Variants in MPDZ observed in about 807,000 individuals in gnomAD.
MPDZ encodes the protein multiple PDZ domain protein.
In MPDZ, 234 loss-of-function variants were observed where a neutral mutation model predicts 239.1. The ratio of observed to expected loss-of-function variants is 0.98; its 90% confidence interval spans 0.88 to 1.09. The LOEUF (loss-of-function observed/expected upper bound fraction) is 1.09. Ranked by LOEUF, MPDZ falls within the 50% of genes least tolerant of loss-of-function variation. The pLI is 0.00. For missense variants in MPDZ, 3,175 were observed against 2,510.0 expected (o/e 1.26, Z -5.66); for synonymous variants, 1,048 against 881.3 (o/e 1.19, Z -3.35).
chr9:13,154,062 G>A (rs1342694186), intron 24 of MPDZ, among the ~76,000 whole-genome samples: 1 of 152,100 alleles, frequency 6.6e-6, no homozygotes, highest in South Asian at 2.1e-4. Flanking sequence ...AAGAAGAGAA[G>A]AGACACAGAG....
chr9:13,234,004 C>G (rs1963266640), intron 3 of MPDZ, among the ~76,000 whole-genome samples: 1 of 141,946 alleles, frequency 7.0e-6, no homozygotes, highest in Non-Finnish European at 1.5e-5. Flanking sequence ...ATTTTAATCT[C>G]TGTAATACAT....
chr9:13,165,315 A>G (rs1408878685), intron 22 of MPDZ: 3 of 1,529,996 alleles, frequency 2.0e-6, no homozygotes, highest in Non-Finnish European at 2.6e-6. Context: ...TTGTTTTCAC[A>G]GACAAGTTGT....
chr9:13,245,637 T>C (rs1588084424), intron 3 of MPDZ, among the ~76,000 whole-genome samples: 2 of 152,158 alleles, frequency 1.3e-5, no homozygotes, highest in South Asian at 2.1e-4. Flanking sequence ...ACATGTCTCA[T>C]AGAATTCACA....
chr9:13,261,773 T>C (rs1345217334), intron 1 of MPDZ, among the ~76,000 whole-genome samples: 1 of 151,180 alleles, frequency 6.6e-6, no homozygotes, highest in Non-Finnish European at 1.5e-5. Context: ...GGCTCATACC[T>C]GTAAGCCCAG....
intron 21 of MPDZ, among the ~76,000 whole-genome samples, chr9:13,173,509 C>T (rs1035958455): frequency 6.6e-6 from 1 of 151,866 alleles, no homozygotes; most frequent in East Asian, 1.9e-4. Context: ...TCAAGACCAA[C>T]CTGGGCAACA....
At chr9:13,261,621 A>C (rs1456326359) in intron 1 of MPDZ, among the ~76,000 whole-genome samples, 2 of 152,190 alleles carry the variant, frequency 1.3e-5, no homozygotes, top group Non-Finnish European at 2.9e-5. Flanking sequence ...AGAAAAACAA[A>C]GGGCAGGGAA....
At chr9:13,251,590 C>G (rs769881550) in intron 1 of MPDZ, among the ~76,000 whole-genome samples, 1 of 152,174 alleles carries the variant, frequency 6.6e-6, no homozygotes, top group Non-Finnish European at 1.5e-5. Flanking sequence ...ACCACACGTT[C>G]TCATTTTTCA....
chr9:13,214,918 G>A (rs895587934), intron 10 of MPDZ, among the ~76,000 whole-genome samples: 10 of 151,860 alleles, frequency 6.6e-5, no homozygotes, highest in African/African-American at 2.2e-4. Context: ...GAAGACTCAC[G>A]GAGTTATAAT....
chr9:13,158,647 C>T (rs1463086458), intron 23 of MPDZ, among the ~76,000 whole-genome samples: 1 of 152,108 alleles, frequency 6.6e-6, no homozygotes, highest in Non-Finnish European at 1.5e-5. Context: ...CCAGCTTCAC[C>T]CCATCCAGAG....
rs548566619 is a variant in MPDZ at position 13,196,715 on chromosome 9, A to G, written c.1547-485T>C. ...GAGAAAATATAAAGAAATAATAATAAACTAAGGCTACACATTAAAATAAAA... is the reference window on the plus strand; with the variant it reads ...GAGAAAATATAAAGAAATAATAATAGACTAAGGCTACACATTAAAATAAAA... On this transcript the variant is annotated intron_variant, in intron 12 of 46. Transcript: ENST00000319217. Among the ~76,000 whole-genome samples the G allele has an allele frequency of 2.0e-5, 3 of 152,114 alleles. No individual in the cohort carries two copies. The East Asian group carries it at 5.8e-4, about 29-fold the overall frequency.
intron 23 of MPDZ, 125 bp from the exon 24 acceptor site, chr9:13,158,235 T>C: frequency 1.5e-6 from 1 of 675,838 alleles, no homozygotes; most frequent in Non-Finnish European, 2.5e-6. Flanking sequence ...TACATGGCCA[T>C]AAGTATAAAA....
chr9:13,176,840 A>T (rs1952564179), intron 19 of MPDZ, among the ~76,000 whole-genome samples: 1 of 152,196 alleles, frequency 6.6e-6, no homozygotes, highest in South Asian at 2.1e-4. Context: ...AAGGACATAA[A>T]AAGTATGACA....
At position 13,115,252 on chromosome 9, in the gene MPDZ, C is replaced by G. The variant is rs1943210394; in HGVS notation, c.5462G>C (p.Ser1821Thr). The G allele has an allele frequency of 1.3e-5, 21 of 1,612,200 alleles. No individual in the cohort carries two copies. The highest frequency in any genetic ancestry group is 1.8e-5 in the Non-Finnish European group (21 of 1,179,458). Residue 1821 changes from serine (S) to threonine (T), a missense_variant, in exon 40 of 47, where the codon AGC becomes ACC. Transcript: ENST00000319217. ...FHSERRPSQSSQVSEGSLSSF... is the reference protein window; with the variant it reads ...FHSERRPSQSTQVSEGSLSSF... ...ATGAACTCCACAGCTACCCACCTGGCTGCTTTGAGATGGCCTCCTCTCTGA... is the reference window on the plus strand; with the variant it reads ...ATGAACTCCACAGCTACCCACCTGGGTGCTTTGAGATGGCCTCCTCTCTGA...
chr9:13,268,061 G>A (rs906141422), intron 1 of MPDZ, among the ~76,000 whole-genome samples: 1 of 152,164 alleles, frequency 6.6e-6, no homozygotes. Flanking sequence ...AAGCATGGAA[G>A]CATTAGACAT....
At chr9:13,240,580 T>TAAAAAAAAAAAAAAAAAA (rs71331533) in intron 3 of MPDZ, among the ~76,000 whole-genome samples, 8 of 44,018 alleles carry the variant, frequency 1.8e-4, no homozygotes, top group Admixed American at 3.5e-4. Context: ...ATAATAAAAG[T>TAAAAAAAAAAAAAAAAAA]AAAAAAAAAA....
chr9:13,173,966 C>T (rs1413963654), intron 21 of MPDZ, among the ~76,000 whole-genome samples: 1 of 152,144 alleles, frequency 6.6e-6, no homozygotes, highest in Non-Finnish European at 1.5e-5. Context: ...ATTTATCCTT[C>T]CTTTAGTTCC....
At chr9:13,250,410 G>T (rs146067633) in intron 1 of MPDZ, 38 bp from the exon 2 acceptor site, 6 of 1,105,696 alleles carry the variant, frequency 5.4e-6, no homozygotes, top group Non-Finnish European at 6.7e-6. Context: ...TGTTTTATCA[G>T]AACTTTATAT....
rs910604920 is a variant in MPDZ, at chr9:13,279,591, T to C, written c.-249A>G. The stretch of plus-strand genomic sequence containing the variant: ...GTGACTGAGAAACTTAATCCCGCGG[T>C]GGCCCGACGCCAGCCTAGCGCTCCG... On this transcript the variant is annotated 5_prime_UTR_variant, in exon 1 of 47. Transcript: ENST00000319217. 1 of 149,386 alleles carries C rather than the reference T, an allele frequency of 6.7e-6. No homozygotes were observed. Among genetic ancestry groups the C allele is most frequent in the African/African-American group, 2.4e-5 (1 of 41,106 alleles). 9.3% of individuals were successfully genotyped at this position (149,386 alleles called of 1,614,324 possible). A position where few individuals can be genotyped will look rare whatever the true frequency, so the allele number is the denominator to read the frequency against.
At chr9:13,153,766 A>C (rs1257297852) in intron 24 of MPDZ, among the ~76,000 whole-genome samples, 1 of 152,144 alleles carries the variant, frequency 6.6e-6, no homozygotes, top group Non-Finnish European at 1.5e-5. Context: ...AACAACCCAG[A>C]ATACATAGGT....
Sources: allele counts gnomAD v4.1 joint callset (sites outside exome capture counted in the v4.1 genomes callset), GRCh38; gene constraint gnomAD v4.1.1; transcripts MANE v1.5; gene names NCBI Gene and HGNC (gene_info 2026-07-23, HGNC 2026-07-21).